The following KAT7 variants were observed in gnomAD, a reference collection of about 807,000 sequenced individuals.
KAT7 encodes lysine acetyltransferase 7.
KAT7 carries 10 observed loss-of-function variants against 82.1 expected under a neutral mutation model. The ratio of observed to expected loss-of-function variants is 0.12; its 90% CI spans 0.08 to 0.21. KAT7 has a LOEUF of 0.21. Among genes scored for constraint, KAT7 ranks in the 10% least tolerant of loss-of-function variants. KAT7 has a pLI of 1.00. For missense variants in KAT7, 378 were observed against 760.9 expected (o/e 0.50, Z 5.92); for synonymous variants, 250 against 262.5 (o/e 0.95, Z 0.46).
chr17:49,819,462 T>TA (rs1405567518), intron 9 of KAT7, among the ~76,000 whole-genome samples: 2 of 152,238 alleles, frequency 1.3e-5, no homozygotes, highest in African/African-American at 4.8e-5. Context: ...CGGGTATTTT[T>TA]ATTGATGTGA....
intron 12 of KAT7, among the ~76,000 whole-genome samples, chr17:49,825,551 AG>A (rs529530837): frequency 1.6e-3 from 251 of 152,360 alleles, no homozygotes; most frequent in African/African-American, 5.2e-3. Flanking sequence ...AGGTGAGTAC[AG>A]TACAATAAGA....
rs954664704 is a variant in KAT7, at chr17:49,788,789, T to C, written c.-46T>C. Reference sequence around the variant, plus strand: ...CCGCCGGAGCCACCGTTCCTGCTGCTGCCGCCGCTGCCCGAATCGGAACCG... The same window carrying C: ...CCGCCGGAGCCACCGTTCCTGCTGCCGCCGCCGCTGCCCGAATCGGAACCG... On this transcript the variant is annotated 5_prime_UTR_variant, in exon 1 of 15. Coordinates refer to ENST00000259021, the MANE Select transcript of KAT7 (RefSeq NM_007067.5). 6.4e-7 allele frequency: 1 copy of C among 1,563,894 alleles called. No individual in the cohort carries two copies. The highest frequency in any genetic ancestry group is 1.7e-4 in the Middle Eastern group (1 of 5,826).
chr17:49,797,838 G>A (rs1262753922), intron 3 of KAT7, among the ~76,000 whole-genome samples: 1 of 152,176 alleles, frequency 6.6e-6, no homozygotes, highest in East Asian at 1.9e-4. Context: ...TAGGCATTTG[G>A]TTTGCAATTC....
At position 49,817,876 on chromosome 17, in the gene KAT7, T is replaced by A; in HGVS notation, c.1020T>A (p.Ile340=). 1.2e-6 allele frequency: 2 copies of A among 1,613,268 alleles called. No individual in the cohort carries two copies. Among genetic ancestry groups the A allele is most frequent in the Non-Finnish European group, 1.7e-6 (2 of 1,179,854 alleles). Residue 340 remains isoleucine, a synonymous_variant, in exon 9 of 15, where the codon ATT becomes ATA. Coordinates refer to ENST00000259021, the MANE Select transcript of KAT7 (RefSeq NM_007067.5). ...AGGGAAGCAACATGATTAAAACAAT[T>A]GCTTTTGGCCGCTATGAGCTTGATA... The part of the protein sequence containing the change: ...ITEGSNMIKT[I]AFGRYELDTW...
intron 12 of KAT7, 94 bp from the exon 13 acceptor site, chr17:49,825,906 C>A: frequency 7.7e-7 from 1 of 1,306,698 alleles, no homozygotes. Flanking sequence ...GTGGACTGTG[C>A]TTCTTAAACC....
intron 5 of KAT7, among the ~76,000 whole-genome samples, chr17:49,808,561 C>T (rs1305492976): frequency 6.6e-6 from 1 of 151,700 alleles, no homozygotes; most frequent in East Asian, 1.9e-4. Flanking sequence ...AGCAGTTCTC[C>T]TGCCTCAGCC....
At chr17:49,818,610 A>G (rs977840615) in intron 9 of KAT7, among the ~76,000 whole-genome samples, 2 of 152,220 alleles carry the variant, frequency 1.3e-5, no homozygotes, top group Non-Finnish European at 2.9e-5. Flanking sequence ...GCAGCTTCAA[A>G]AAAAAAGCCA....
At chr17:49,797,942 G>C (rs2073977565) in intron 3 of KAT7, among the ~76,000 whole-genome samples, 11 of 152,192 alleles carry the variant, frequency 7.2e-5, no homozygotes. Flanking sequence ...CACCAAGCCT[G>C]TTCAGTGTCA....
At chr17:49,793,793 A>G (rs1381982457) in intron 2 of KAT7, among the ~76,000 whole-genome samples, 1 of 152,000 alleles carries the variant, frequency 6.6e-6, no homozygotes, top group Non-Finnish European at 1.5e-5. Flanking sequence ...GGATAGTCTC[A>G]ATCTCTTGAC....
chr17:49,802,440 G>A (rs1408846936), intron 4 of KAT7, among the ~76,000 whole-genome samples: 1 of 152,126 alleles, frequency 6.6e-6, no homozygotes, highest in Non-Finnish European at 1.5e-5. Context: ...GGCCGAGGTG[G>A]GCAGATCACC....
At chr17:49,788,876 G>A in intron 1 of KAT7, 27 bp downstream of exon 1, 1 of 1,572,788 alleles carries the variant, frequency 6.4e-7, no homozygotes, top group Non-Finnish European at 8.6e-7. Flanking sequence ...GAGGGATGGC[G>A]GGTTTCTAAG....
At chr17:49,812,371 T>C (rs1160911452) in intron 7 of KAT7, among the ~76,000 whole-genome samples, 2 of 150,416 alleles carry the variant, frequency 1.3e-5, no homozygotes, top group Admixed American at 6.7e-5. Flanking sequence ...ATTACAGACA[T>C]GTGCCACCAC....
chr17:49,789,019 C>T (rs2073846735), intron 1 of KAT7, 170 bp downstream of exon 1: 1 of 520,912 alleles, frequency 1.9e-6, no homozygotes, highest in South Asian at 4.1e-5. Flanking sequence ...GGGCCCGACC[C>T]TGGCCTCGGC....
In KAT7 at chr17:49,830,947, T is replaced by A. The variant is rs1038517526; in HGVS notation, c.*3445T>A. 2 of 152,128 alleles carry A rather than the reference T, an allele frequency of 1.3e-5. No individual in the cohort carries two copies. The highest frequency in any genetic ancestry group is 2.4e-5 in the African/African-American group (1 of 41,350). 9.4% of individuals were successfully genotyped at this position (152,128 alleles called of 1,614,324 possible). Reference sequence around the variant, plus strand: ...TTTTATATTTTTTCTTATTATTTTTTAATTATTAACCAAATTAACTCATTA... The same window carrying A: ...TTTTATATTTTTTCTTATTATTTTTAAATTATTAACCAAATTAACTCATTA... On this transcript the variant is annotated 3_prime_UTR_variant, in exon 15 of 15. Transcript: ENST00000259021.
intron 11 of KAT7, among the ~76,000 whole-genome samples, chr17:49,822,697 C>T (rs1306032770): frequency 6.6e-6 from 1 of 152,122 alleles, no homozygotes; most frequent in Non-Finnish European, 1.5e-5. Context: ...TGATAGCAAT[C>T]ACTCCTATTT....
In KAT7 at chr17:49,827,614, G is replaced by GA. The variant is rs763148552; in HGVS notation, c.*114dup. The GA allele has an allele frequency of 8.1e-5, 57 of 707,466 alleles. No individual in the cohort carries two copies. The highest frequency in any genetic ancestry group is 1.3e-4 in the Non-Finnish European group (52 of 393,896). The allele number at this position is 707,466 out of a possible 1,614,324, so 43.8% of individuals were successfully genotyped here. On this transcript the variant is annotated 3_prime_UTR_variant, in exon 15 of 15. Transcript: ENST00000259021. ...GATTGGCAAGTACAGTATCCTTTGG[G>GA]AAGGCCATCCCCCTCAGGACTGTCC... is the stretch of plus-strand genomic sequence containing the variant.
chr17:49,807,575 G>C (rs972045742), intron 5 of KAT7, among the ~76,000 whole-genome samples: 2 of 152,170 alleles, frequency 1.3e-5, no homozygotes, highest in Non-Finnish European at 2.9e-5. Flanking sequence ...CATTTGGGGG[G>C]CTTTAACAAA....
At position 49,832,070 on chromosome 17, in the gene KAT7, C is replaced by T. The variant is rs1180748193; in HGVS notation, c.*4568C>T. On this transcript the variant is annotated 3_prime_UTR_variant, in exon 15 of 15. Transcript: ENST00000259021. The stretch of plus-strand genomic sequence containing the variant: ...TCCCAGGTTCAAGCGATTTTCCTGC[C>T]TCAGCCTCCCAAGTAGCTGGGATTA... The T allele has an allele frequency of 6.6e-6, 1 of 150,908 alleles. No individual in the cohort carries two copies. Among genetic ancestry groups the T allele is most frequent in the Non-Finnish European group, 1.5e-5 (1 of 67,894 alleles). The allele number at this position is 150,908 out of a possible 1,614,324, so 9.3% of individuals were successfully genotyped here.
At chr17:49,816,839 T>G (rs934172252) in intron 8 of KAT7, among the ~76,000 whole-genome samples, 3 of 151,802 alleles carry the variant, frequency 2.0e-5, no homozygotes, top group Non-Finnish European at 2.9e-5. Flanking sequence ...TGAGACAGGG[T>G]TTTGCCCTGT....
Sources: gnomAD v4.1 joint callset for allele counts (sites outside exome capture counted in the v4.1 genomes callset) on GRCh38, gnomAD v4.1.1 for gene constraint, MANE v1.5 for transcripts, NCBI Gene and HGNC (gene_info 2026-07-23, HGNC 2026-07-21) for gene names.